Variants in FHOD3 observed in about 807,000 individuals in gnomAD.
FHOD3 encodes formin homology 2 domain containing 3.
A neutral mutation model predicts 173.0 loss-of-function variants in FHOD3; 90 were observed. The observed-to-expected ratio is 0.52, with a 90% confidence interval of 0.44 to 0.62. FHOD3 has a LOEUF of 0.62. Ranked by LOEUF, FHOD3 falls within the 20% of genes least tolerant of loss-of-function variation. The probability of loss-of-function intolerance (pLI) is 0.00; values close to 1 mark genes in which losing one functional copy is unlikely to be tolerated. For missense variants in FHOD3, 1,945 were observed against 2,034.7 expected (o/e 0.96, Z 0.85); for synonymous variants, 828 against 823.0 (o/e 1.01, Z -0.10).
At chr18:36,658,890 C>A (rs2036596493) in intron 14 of FHOD3, among the ~76,000 whole-genome samples, 1 of 152,138 alleles carries the variant, frequency 6.6e-6, no homozygotes, top group Admixed American at 6.5e-5. Context: ...CCAACCCATA[C>A]CTTAGAGGGT....
intron 7 of FHOD3, among the ~76,000 whole-genome samples, chr18:36,597,705 C>T (rs539976076): frequency 2.0e-5 from 3 of 152,062 alleles, no homozygotes; most frequent in South Asian, 4.2e-4. Context: ...GGATTACAGG[C>T]GTGAGCCACT....
intron 4 of FHOD3, among the ~76,000 whole-genome samples, chr18:36,512,040 C>T (rs529165301): frequency 2.8e-4 from 43 of 152,344 alleles, no homozygotes; most frequent in Admixed American, 2.7e-3. Context: ...GAGTTCCTCA[C>T]CTGATAGTCT....
chr18:36,386,474 G>C (rs868592383), intron 3 of FHOD3, among the ~76,000 whole-genome samples: 1 of 152,200 alleles, frequency 6.6e-6, no homozygotes, highest in South Asian at 2.1e-4. Context: ...AGCAATTTCC[G>C]TGCCCGTTAG....
intron 3 of FHOD3, among the ~76,000 whole-genome samples, chr18:36,477,641 C>G (rs2053663682): frequency 1.3e-5 from 2 of 151,654 alleles, no homozygotes; most frequent in Admixed American, 1.3e-4. Context: ...TCTCACCAGT[C>G]TCTGGAAAAA....
intron 5 of FHOD3, among the ~76,000 whole-genome samples, chr18:36,568,937 T>C (rs920455612): frequency 2.0e-5 from 3 of 152,070 alleles, no homozygotes; most frequent in African/African-American, 7.2e-5. Flanking sequence ...ATTATGAAAA[T>C]GCTTCAGGAA....
intron 10 of FHOD3, among the ~76,000 whole-genome samples, 167 bp from the exon 11 acceptor site, chr18:36,649,149 G>A (rs555616886): frequency 8.0e-5 from 12 of 150,688 alleles, no homozygotes; most frequent in African/African-American, 2.9e-4. Flanking sequence ...CAGACTGAGT[G>A]TGCTTTTCTT....
chr18:36,587,711 A>G (rs1028835770), intron 6 of FHOD3, among the ~76,000 whole-genome samples: 6 of 152,026 alleles, frequency 3.9e-5, no homozygotes, highest in Admixed American at 6.5e-5. Flanking sequence ...GAATTGCTTG[A>G]ACCCTCGAGG....
chr18:36,763,003 C>T (rs1208668933), intron 27 of FHOD3, among the ~76,000 whole-genome samples: 3 of 145,762 alleles, frequency 2.1e-5, no homozygotes, highest in African/African-American at 5.0e-5. Flanking sequence ...GTATTATATA[C>T]GTTATATATG....
In FHOD3 at chr18:36,709,326, C is replaced by T. The variant is rs200136691; in HGVS notation, c.2468C>T (p.Ser823Leu). The stretch of plus-strand genomic sequence containing the variant: ...GACAACTGCTCTGCCTCCAGCGTCT[C>T]GTCCTCCAGCAGCACGTTGGAGAGG... ...ERDNCSASSVSSSSSTLEREE... is the reference protein window; with the variant it reads ...ERDNCSASSVLSSSSTLEREE... The change falls in exon 18 of 29, where the codon TCG becomes TTG. Residue 823 changes from serine to leucine, a missense_variant. By Grantham distance (145) the Ser-to-Leu change is moderately radical. Around this residue, in one of 5 missense-constraint regions of FHOD3, gnomAD observed 1,099 missense variants for 1,051.2 expected, o/e 1.05. Coordinates refer to ENST00000590592, the MANE Select transcript of FHOD3 (RefSeq NM_001281740.3). 12 of 1,614,248 alleles carry T rather than the reference C, an allele frequency of 7.4e-6. No homozygotes were observed. The highest frequency in any genetic ancestry group is 2.2e-5 in the East Asian group (1 of 44,888).
intron 3 of FHOD3, among the ~76,000 whole-genome samples, chr18:36,439,157 T>C (rs553403899): frequency 2.0e-5 from 3 of 152,370 alleles, no homozygotes; most frequent in South Asian, 2.1e-4. Context: ...TTGATTTTTA[T>C]TGAATGCTCC....
At chr18:36,680,099 A>G (rs1049296425) in intron 14 of FHOD3, among the ~76,000 whole-genome samples, 3 of 152,230 alleles carry the variant, frequency 2.0e-5, no homozygotes, top group South Asian at 2.1e-4. Context: ...AATAAACTCT[A>G]TCTATGCCTT....
chr18:36,746,835 A>C, intron 23 of FHOD3, 110 bp from the exon 24 acceptor site: 2 of 727,116 alleles, frequency 2.8e-6, no homozygotes, highest in South Asian at 4.5e-5. Flanking sequence ...GCATTTCAAA[A>C]TGTGAATTTC....
In FHOD3 at chr18:36,354,439, C is replaced by T. The variant is rs118080176; in HGVS notation, c.166-1100C>T. ...TTTACAGAGTTTGTGAGAGAATCAA[C>T]TGACTTCCCATGTACAAATGTTTAG... On this transcript the variant is annotated intron_variant, in intron 1 of 28. Transcript: ENST00000590592. Among the ~76,000 whole-genome samples the T allele has an allele frequency of 6.7e-4, 102 of 152,294 alleles. No homozygotes were observed. In the East Asian group the frequency reaches 0.019, roughly 28 times the overall value.
chr18:36,609,336 T>C (rs369789613), intron 8 of FHOD3, among the ~76,000 whole-genome samples: 2 of 150,208 alleles, frequency 1.3e-5, no homozygotes, highest in East Asian at 4.0e-4. Context: ...TGGTAGAATT[T>C]GATGAGCCTA....
At chr18:36,449,973 T>C (rs1195137458) in intron 3 of FHOD3, among the ~76,000 whole-genome samples, 1 of 152,314 alleles carries the variant, frequency 6.6e-6, no homozygotes, top group African/African-American at 2.4e-5. Context: ...TTTGGTTACA[T>C]GAATAAGTTC....
chr18:36,441,543 G>A (rs776916804), intron 3 of FHOD3, among the ~76,000 whole-genome samples: 10 of 152,206 alleles, frequency 6.6e-5, no homozygotes, highest in Non-Finnish European at 1.3e-4. Flanking sequence ...ACTGCTGGAC[G>A]TCTCTGTGGC....
chr18:36,378,776 G>A (rs1197749967), intron 3 of FHOD3, among the ~76,000 whole-genome samples: 2 of 152,064 alleles, frequency 1.3e-5, no homozygotes, highest in East Asian at 1.9e-4. Flanking sequence ...CCGCTTTCCC[G>A]GGTTCAAGTG....
intron 7 of FHOD3, among the ~76,000 whole-genome samples, chr18:36,602,386 A>G (rs891815734): frequency 1.3e-5 from 2 of 152,188 alleles, no homozygotes; most frequent in African/African-American, 2.4e-5. Flanking sequence ...TAAAAATTAC[A>G]TATTTAATAT....
chr18:36,514,533 A>C (rs1027911019), intron 5 of FHOD3, among the ~76,000 whole-genome samples: 1 of 152,080 alleles, frequency 6.6e-6, no homozygotes, highest in African/African-American at 2.4e-5. Flanking sequence ...CATATGTTGA[A>C]CCACAGGTAA....
Sources: gnomAD v4.1 joint callset for allele counts (sites outside exome capture counted in the v4.1 genomes callset) on GRCh38, gnomAD v4.1.1 for gene constraint, gnomAD v4.1.1 regional missense constraint, MANE v1.5 for transcripts, NCBI Gene and HGNC (gene_info 2026-07-23, HGNC 2026-07-21) for gene names.